MITF: variants seen among roughly 807,000 people sequenced by gnomAD.
The protein encoded by MITF is melanocyte inducing transcription factor, also known as microphthalmia-associated transcription factor.
In MITF, 17 loss-of-function variants were observed where a neutral mutation model predicts 60.5. The observed-to-expected ratio is 0.28, with a 90% CI of 0.19 to 0.42. The LOEUF is 0.42. MITF is among the 10% of genes least tolerant of loss of function. The pLI, the probability that MITF is intolerant of heterozygous loss-of-function variation, is 1.00. For synonymous variants in MITF, 260 were observed against 248.5 expected (o/e 1.05, Z -0.43); for missense variants, 622 against 683.5 (o/e 0.91, Z 1.00).
intron 2 of MITF, among the ~76,000 whole-genome samples, chr3:69,890,945 G>T (rs577091314): frequency 6.6e-6 from 1 of 152,052 alleles, no homozygotes; most frequent in Non-Finnish European, 1.5e-5. Context: ...AAAGCCAAGG[G>T]AGCAAAAATG....
At chr3:69,813,545 A>G (rs956072997) in intron 1 of MITF, among the ~76,000 whole-genome samples, 1 of 152,174 alleles carries the variant, frequency 6.6e-6, no homozygotes, top group South Asian at 2.1e-4. Flanking sequence ...GAAAAGGAAG[A>G]TCACTGCTAC....
chr3:69,922,812 C>A (rs1306079418), intron 2 of MITF, among the ~76,000 whole-genome samples: 2 of 152,102 alleles, frequency 1.3e-5, no homozygotes, highest in African/African-American at 2.4e-5. Flanking sequence ...ACTGACCAGC[C>A]CCCTCATCTC....
At chr3:69,842,504 CTG>C (rs2063656295) in intron 1 of MITF, among the ~76,000 whole-genome samples, 1 of 152,136 alleles carries the variant, frequency 6.6e-6, no homozygotes, top group South Asian at 2.1e-4. Context: ...TTATCTGAAA[CTG>C]GATCAAAAAT....
rs78554020 is a variant in MITF at position 69,898,482 on chromosome 3, G to C, written c.354+19099G>C. On this transcript the variant is annotated intron_variant, in intron 2 of 9. Coordinates refer to ENST00000352241, the MANE Select transcript of MITF (RefSeq NM_001354604.2). ...GCTGCAAGTTTGGGACTCAGTAATA[G>C]AGTAAGTATTGTAGTTAAAGAAGAG... is the stretch of plus-strand genomic sequence containing the variant. Among the ~76,000 whole-genome samples the C allele has an allele frequency of 1.3e-3, 197 of 152,348 alleles. 4 individuals are homozygous for C. The East Asian group carries it at 0.029, about 22-fold the overall frequency.
intron 2 of MITF, among the ~76,000 whole-genome samples, chr3:69,917,034 T>G (rs2065349587): frequency 6.6e-6 from 1 of 152,164 alleles, no homozygotes; most frequent in Admixed American, 6.5e-5. Context: ...ACACTAAGTG[T>G]CCATATTATA....
chr3:69,791,863 G>T (rs2106916563), intron 1 of MITF, among the ~76,000 whole-genome samples: 1 of 152,284 alleles, frequency 6.6e-6, no homozygotes, highest in African/African-American at 2.4e-5. Flanking sequence ...TGGTGCAGTA[G>T]AACTTGGAAA....
intron 1 of MITF, among the ~76,000 whole-genome samples, chr3:69,870,259 T>TACACAC (rs146363082): frequency 0.022 from 3,265 of 145,252 alleles, 108 homozygotes; most frequent in African/African-American, 0.076. Context: ...GGTAAATGGA[T>TACACAC]ACACACACAC....
intron 1 of MITF, among the ~76,000 whole-genome samples, chr3:69,789,768 A>G (rs1413511205): frequency 6.6e-6 from 1 of 152,096 alleles, no homozygotes; most frequent in African/African-American, 2.4e-5. Context: ...AGGCGTGCGA[A>G]TTGCTTGAAC....
At chr3:69,764,618 C>T (rs2062261887) in intron 1 of MITF, among the ~76,000 whole-genome samples, 1 of 152,130 alleles carries the variant, frequency 6.6e-6, no homozygotes, top group Non-Finnish European at 1.5e-5. Context: ...GAGTCTCACT[C>T]CTGATTTTGC....
chr3:69,925,318 C>T (rs77935360), intron 2 of MITF, among the ~76,000 whole-genome samples: 2,322 of 152,204 alleles, frequency 0.015, 25 homozygotes, highest in Middle Eastern at 0.051. Flanking sequence ...TTTAACAATA[C>T]TAAACTGCAT....
At chr3:69,739,819 C>A in intron 1 of MITF, 118 bp downstream of exon 1, 2 of 752,444 alleles carry the variant, frequency 2.7e-6, no homozygotes, top group Non-Finnish European at 4.5e-6. Flanking sequence ...GTGCCCTTGC[C>A]CCGGAGCAGA....
intron 1 of MITF, among the ~76,000 whole-genome samples, chr3:69,790,012 A>C (rs1381739223): frequency 6.6e-6 from 1 of 152,190 alleles, no homozygotes; most frequent in Non-Finnish European, 1.5e-5. Flanking sequence ...CCAAGAGTGG[A>C]AGCAACCCAA....
At chr3:69,865,500 A>C (rs2064096200) in intron 1 of MITF, among the ~76,000 whole-genome samples, 1 of 152,180 alleles carries the variant, frequency 6.6e-6, no homozygotes, top group African/African-American at 2.4e-5. Context: ...TTTTGAGAAC[A>C]TGTATTGCTG....
At chr3:69,956,431 C>A in intron 7 of MITF, 24 bp from the exon 8 acceptor site, 1 of 1,593,512 alleles carries the variant, frequency 6.3e-7, no homozygotes, top group Non-Finnish European at 8.6e-7. Context: ...TACTAATAGC[C>A]TTTCCTGTGC....
rs533953597 is a variant in MITF, at chr3:69,930,721, GC to G, written c.355-7100del. 1.3e-4 allele frequency among the ~76,000 whole-genome samples: 20 copies of G among 152,346 alleles called. 1 individual carries two copies. In the East Asian group the frequency reaches 3.7e-3, roughly 28 times the overall value. Reference sequence around the variant, plus strand: ...GGGATGTAGTGTGTTCCCTGGACCGGCTGGGTCAGCATCCCCTGGCAACTTG... The same window carrying G: ...GGGATGTAGTGTGTTCCCTGGACCGGTGGGTCAGCATCCCCTGGCAACTTG... On this transcript the variant is annotated intron_variant, in intron 2 of 9. Coordinates refer to ENST00000352241, the MANE Select transcript of MITF (RefSeq NM_001354604.2).
chr3:69,953,660 TATAGAGAGAGAG>T (rs1386390255), intron 7 of MITF, among the ~76,000 whole-genome samples: 1 of 135,758 alleles, frequency 7.4e-6, no homozygotes, highest in Non-Finnish European at 1.6e-5. Flanking sequence ...TATATATATA[TATAGAGAGAGAG>T]AGAGAGAGAG....
intron 1 of MITF, among the ~76,000 whole-genome samples, chr3:69,809,102 C>G (rs777685540): frequency 1.3e-5 from 2 of 152,080 alleles, no homozygotes; most frequent in African/African-American, 2.4e-5. Context: ...TGGAAACAGA[C>G]TCTTATGGTG....
chr3:69,749,350 A>AT (rs976174238), intron 1 of MITF, among the ~76,000 whole-genome samples: 37 of 152,266 alleles, frequency 2.4e-4, no homozygotes, highest in African/African-American at 6.5e-4. Flanking sequence ...TAGCATTTGA[A>AT]TTTTTTCAGC....
chr3:69,848,569 C>T (rs944396761), intron 1 of MITF, among the ~76,000 whole-genome samples: 9 of 152,136 alleles, frequency 5.9e-5, no homozygotes, highest in Non-Finnish European at 1.3e-4. Context: ...GAAGAAGAAT[C>T]GAGTAGAATG....
Sources: gnomAD v4.1 joint callset for allele counts (sites outside exome capture counted in the v4.1 genomes callset) on GRCh38, gnomAD v4.1.1 for gene constraint, MANE v1.5 for transcripts, NCBI Gene and HGNC (gene_info 2026-07-23, HGNC 2026-07-21) for gene names.